EBF4: variants seen among roughly 807,000 people sequenced by gnomAD.
The protein encoded by EBF4 is EBF transcription factor 4.
EBF4 carries 34 observed loss-of-function variants against 67.1 expected under a neutral mutation model. The ratio of observed to expected loss-of-function variants is 0.51; its 90% CI spans 0.39 to 0.67. The LOEUF (loss-of-function observed/expected upper bound fraction) is 0.67. EBF4 is among the 30% of genes least tolerant of loss of function. The pLI, the probability that EBF4 is intolerant of heterozygous loss-of-function variation, is 0.00. For synonymous variants in EBF4, 387 were observed against 377.7 expected (o/e 1.02, Z -0.29); for missense variants, 837 against 873.3 (o/e 0.96, Z 0.52).
At chr20:2,754,824 G>A (rs2088211258) in intron 14 of EBF4, among the ~76,000 whole-genome samples, 1 of 152,172 alleles carries the variant, frequency 6.6e-6, no homozygotes, top group Admixed American at 6.5e-5. Context: ...GGCAAAGTCT[G>A]TGTGCAGGAG....
At chr20:2,746,702 G>GTATAT (rs2088055429) in intron 6 of EBF4, among the ~76,000 whole-genome samples, 1 of 152,186 alleles carries the variant, frequency 6.6e-6, no homozygotes, top group African/African-American at 2.4e-5. Flanking sequence ...CAAATTTGGG[G>GTATAT]TATATAAGTA....
rs938931297 is a variant in EBF4, at chr20:2,696,771, G to T, written c.137+2989G>T. Among the ~76,000 whole-genome samples, 5 of 152,160 alleles carry T rather than the reference G, an allele frequency of 3.3e-5. No homozygotes were observed. The highest frequency in any genetic ancestry group is 1.2e-4 in the African/African-American group (5 of 41,440). ...CTTACACCCACCGACCCCAGCAACT[G>T]CTCTTTCTGTGCCCTCCCACCCTGC... On this transcript the variant is annotated intron_variant, in intron 1 of 16. Coordinates refer to ENST00000609451, the Ensembl canonical transcript of EBF4. This position sits in a 1 kb window ranked among gnomAD's most constrained non-coding sequence, Gnocchi z 4.7.
chr20:2,698,939 G>A (rs1311901972), intron 1 of EBF4, among the ~76,000 whole-genome samples: 1 of 152,204 alleles, frequency 6.6e-6, no homozygotes, highest in Non-Finnish European at 1.5e-5. Flanking sequence ...CTTGTCCTCT[G>A]TGGGATTTGA....
intron 6 of EBF4, among the ~76,000 whole-genome samples, chr20:2,727,598 G>A (rs554012903): frequency 2.6e-5 from 4 of 152,130 alleles, no homozygotes; most frequent in Non-Finnish European, 5.9e-5. Context: ...CCTAGAAGTG[G>A]AATTGCTGAA....
At chr20:2,716,800 G>A (rs1439385475) in intron 6 of EBF4, among the ~76,000 whole-genome samples, 1 of 152,188 alleles carries the variant, frequency 6.6e-6, no homozygotes, top group Non-Finnish European at 1.5e-5. Flanking sequence ...TTGTGGGTCT[G>A]TTCCTAGACT....
chr20:2,717,971 C>G (rs539633482), intron 6 of EBF4, among the ~76,000 whole-genome samples: 1 of 151,924 alleles, frequency 6.6e-6, no homozygotes, highest in Non-Finnish European at 1.5e-5. Flanking sequence ...CCACCATGCC[C>G]GGCTAATTTT....
chr20:2,722,332 T>C lies in EBF4; in HGVS notation c.557+12690T>C, dbSNP rs554237461. On this transcript the variant is annotated intron_variant, in intron 6 of 16. Transcript: ENST00000609451. ...TATGAATTACGAGGTGTTTTTTTTT[T>C]TCAGTCTAGTTGGTAGAAACAAGCA... Among the ~76,000 whole-genome samples the C allele has an allele frequency of 2.6e-5, 4 of 152,308 alleles. No homozygotes were observed. In the East Asian group the frequency reaches 7.7e-4, roughly 29 times the overall value.
intron 6 of EBF4, among the ~76,000 whole-genome samples, chr20:2,736,197 T>C (rs936671176): frequency 6.6e-6 from 1 of 152,122 alleles, no homozygotes; most frequent in African/African-American, 2.4e-5. Context: ...TACCCTCCCA[T>C]GGGAGGCTCA....
intron 1 of EBF4, among the ~76,000 whole-genome samples, chr20:2,699,830 C>A (rs1239091818): frequency 1.3e-5 from 2 of 152,236 alleles, no homozygotes; most frequent in Non-Finnish European, 2.9e-5. Context: ...TGATACCTGC[C>A]AAGCTGCACT....
exon 2 of EBF4, chr20:2,705,658 G>A: frequency 6.4e-7 from 1 of 1,552,946 alleles, no homozygotes; most frequent in South Asian, 1.2e-5. Context: ...ACTTCGTGCT[G>A]GCCATGTACG....
At chr20:2,720,218 T>G (rs2087661859) in intron 6 of EBF4, among the ~76,000 whole-genome samples, 1 of 152,190 alleles carries the variant, frequency 6.6e-6, no homozygotes. Flanking sequence ...TGCCTCAGCC[T>G]CCCAAGTAGC....
At chr20:2,759,130 G>T in intron 16 of EBF4, 138 bp from the exon 17 acceptor site, 1 of 789,536 alleles carries the variant, frequency 1.3e-6, no homozygotes, top group Non-Finnish European at 2.0e-6. Flanking sequence ...TCCTCCCCGG[G>T]GCCCATCTAG....
At chr20:2,752,473 G>C in exon 14 of EBF4, 1 of 1,265,778 alleles carries the variant, frequency 7.9e-7, no homozygotes, top group Non-Finnish European at 9.9e-7. Flanking sequence ...CGGCGCGCCG[G>C]GCGTGGCCGG....
chr20:2,748,169 T>C (rs953504399), intron 6 of EBF4, among the ~76,000 whole-genome samples: 2 of 152,260 alleles, frequency 1.3e-5, no homozygotes, highest in African/African-American at 4.8e-5. Flanking sequence ...GGAGCATATA[T>C]TGTATGTGTG....
chr20:2,695,488 G>T (rs2146356690), intron 1 of EBF4, among the ~76,000 whole-genome samples: 1 of 132,682 alleles, frequency 7.5e-6, no homozygotes, highest in Non-Finnish European at 1.6e-5. Context: ...TTGCTGGGAT[G>T]CAGAGGGCTT....
intron 6 of EBF4, among the ~76,000 whole-genome samples, chr20:2,731,039 C>T (rs554357085): frequency 6.6e-6 from 1 of 152,274 alleles, no homozygotes; most frequent in African/African-American, 2.4e-5. Context: ...GCTGGGATTA[C>T]AGGTATGTGC....
chr20:2,713,587 G>A (rs1010487915), intron 6 of EBF4, among the ~76,000 whole-genome samples: 4 of 152,210 alleles, frequency 2.6e-5, no homozygotes, highest in Non-Finnish European at 5.9e-5. Context: ...CTGCACAGGT[G>A]CAGGTGCAGA....
chr20:2,749,500 C>T (rs1185778042), exon 8 of EBF4: 8 of 1,547,194 alleles, frequency 5.2e-6, no homozygotes, highest in Non-Finnish European at 7.0e-6. Flanking sequence ...CAGGGCGCGC[C>T]GCCTGGACCC....
At chr20:2,749,316 G>T in intron 7 of EBF4, 85 bp from the exon 8 acceptor site, 1 of 1,027,326 alleles carries the variant, frequency 9.7e-7, no homozygotes, top group South Asian at 1.6e-5. Flanking sequence ...CCAACCACCA[G>T]CCTCAAGGTG....
Sources: gnomAD v4.1 joint callset for allele counts (sites outside exome capture counted in the v4.1 genomes callset) on GRCh38, gnomAD v4.1.1 for gene constraint, Gnocchi (gnomAD v3.1) non-coding constraint, MANE v1.5 for transcripts, NCBI Gene and HGNC (gene_info 2026-07-23, HGNC 2026-07-21) for gene names.